Variants in WDR44 observed in about 807,000 individuals in gnomAD.
The protein encoded by WDR44 is WD repeat domain 44.
Under a neutral mutation model 65.7 loss-of-function variants are expected in WDR44, and 9 were observed. That is an observed-to-expected ratio of 0.14 (90% confidence interval 0.08 to 0.24). The LOEUF (loss-of-function observed/expected upper bound fraction) is 0.24. Ranked by LOEUF, WDR44 falls within the 10% of genes least tolerant of loss-of-function variation. The pLI is 1.00. For missense variants in WDR44, 425 were observed against 670.9 expected (o/e 0.63, Z 4.05); for synonymous variants, 220 against 235.2 (o/e 0.94, Z 0.59).
intron 3 of WDR44, among the ~76,000 whole-genome samples, chrX:118,391,298 A>G (rs750294540): frequency 7.1e-5 from 8 of 112,227 alleles, no homozygotes; most frequent in Non-Finnish European, 1.3e-4. Context: ...TGAGGTTCTC[A>G]GTGCTCAGTA....
At chrX:118,443,767 G>A (rs908592900) in intron 18 of WDR44, 80 bp downstream of exon 18, 11 of 1,014,065 alleles carry the variant, frequency 1.1e-5, no homozygotes, top group Admixed American at 2.7e-5. Flanking sequence ...ATTCATGACC[G>A]GACACAGTGG....
intron 1 of WDR44, among the ~76,000 whole-genome samples, chrX:118,360,622 G>A (rs2056502964): frequency 9.0e-6 from 1 of 111,714 alleles, no homozygotes; most frequent in South Asian, 3.7e-4. Flanking sequence ...TTAATGACTG[G>A]CTAAGTCCTT....
chrX:118,419,189 G>C (rs1415198116), intron 12 of WDR44, among the ~76,000 whole-genome samples: 4 of 111,413 alleles, frequency 3.6e-5, no homozygotes, highest in Admixed American at 1.9e-4. Flanking sequence ...TCCCCCTTCT[G>C]GCCAGGAGGC....
At chrX:118,439,267 C>G (rs1338166461) in intron 14 of WDR44, among the ~76,000 whole-genome samples, 3 of 108,472 alleles carry the variant, frequency 2.8e-5, no homozygotes, top group Admixed American at 2.0e-4. Flanking sequence ...AGAAAGGTAG[C>G]AGAGTTAGAA....
intron 19 of WDR44, among the ~76,000 whole-genome samples, chrX:118,447,875 AATAT>A (rs10570740): frequency 0.043 from 2,332 of 54,663 alleles, 61 homozygotes; most frequent in East Asian, 0.15. Context: ...CTCTATCTAA[AATAT>A]ATATATATAT....
intron 12 of WDR44, 24 bp downstream of exon 12, chrX:118,410,983 C>T: frequency 2.7e-6 from 3 of 1,126,203 alleles, no homozygotes; most frequent in Non-Finnish European, 3.6e-6. Context: ...TTTATGGTTA[C>T]TCTGTTTTCA....
intron 1 of WDR44, among the ~76,000 whole-genome samples, chrX:118,358,163 C>T (rs778093414): frequency 8.9e-6 from 1 of 112,122 alleles, no homozygotes; most frequent in East Asian, 2.8e-4. Flanking sequence ...AATGTTTGGC[C>T]TTTAGATTAA....
At chrX:118,384,647 C>T (rs1260252128) in intron 2 of WDR44, among the ~76,000 whole-genome samples, 6 of 111,467 alleles carry the variant, frequency 5.4e-5, no homozygotes. Flanking sequence ...TTAGGATTTG[C>T]CTTGGCTATT....
chrX:118,346,479 C>T lies in WDR44; in HGVS notation c.-25C>T, dbSNP rs923075938. On this transcript the variant is annotated 5_prime_UTR_variant, in exon 1 of 20. Transcript: ENST00000254029. ...CCCTTCCTCCAGGCGGCGCCGGCCC[C>T]CTCACCCGCGGGTGTGTCCTATAAA... 8.3e-7 allele frequency: 1 copy of T among 1,203,904 alleles called. No individual in the cohort carries two copies. The highest frequency in any genetic ancestry group is 1.1e-6 in the Non-Finnish European group (1 of 889,254).
intron 11 of WDR44, among the ~76,000 whole-genome samples, chrX:118,410,233 C>G (rs1178795640): frequency 9.0e-6 from 1 of 111,229 alleles, no homozygotes; most frequent in Non-Finnish European, 1.9e-5. Flanking sequence ...TCCCCGCCAT[C>G]AAGTAAGGCT....
chrX:118,357,720 A>AT (rs1216783911), intron 1 of WDR44, among the ~76,000 whole-genome samples: 12 of 107,317 alleles, frequency 1.1e-4, no homozygotes, highest in East Asian at 8.6e-4. Context: ...TGTCTCTAAC[A>AT]TTTTTTTTTT....
chrX:118,424,331 A>G (rs1218870508), intron 12 of WDR44, among the ~76,000 whole-genome samples: 9 of 86,571 alleles, frequency 1.0e-4, no homozygotes, highest in South Asian at 1.1e-3. Context: ...GTGTATATAT[A>G]TATATATATA....
chrX:118,418,775 A>G (rs1439856907), intron 12 of WDR44, among the ~76,000 whole-genome samples: 1 of 110,892 alleles, frequency 9.0e-6, no homozygotes, highest in Non-Finnish European at 1.9e-5. Context: ...GTCTTCAGCT[A>G]CCAGGGTGGA....
At chrX:118,397,168 T>C in intron 7 of WDR44, 62 bp downstream of exon 7, 2 of 1,013,880 alleles carry the variant, frequency 2.0e-6, no homozygotes, top group Non-Finnish European at 2.6e-6. Flanking sequence ...ATTTCTCTGT[T>C]AATGAACTAT....
At chrX:118,378,492 T>C (rs1185293660) in intron 2 of WDR44, 40 bp downstream of exon 2, 2 of 1,131,240 alleles carry the variant, frequency 1.8e-6, no homozygotes, top group African/African-American at 1.8e-5. Flanking sequence ...TTAGAAATTG[T>C]ATACTTTTTA....
intron 1 of WDR44, among the ~76,000 whole-genome samples, chrX:118,348,376 A>G (rs1224131917): frequency 8.9e-6 from 1 of 112,220 alleles, no homozygotes; most frequent in Non-Finnish European, 1.9e-5. Context: ...TTCTTCCCTC[A>G]TGAGATAATA....
rs2057328251 is a variant in WDR44, at chrX:118,444,379, A to C, written c.2532A>C (p.Thr844=). The change falls in exon 19 of 20, where the codon ACA becomes ACC. Residue 844 remains threonine (T), a synonymous_variant. Coordinates refer to ENST00000254029, the MANE Select transcript of WDR44 (RefSeq NM_019045.5). ...EGIKAHNAVV[T]SAIFAPNPSL... is the part of the protein sequence containing the mutation. The stretch of plus-strand genomic sequence containing the variant: ...CCACAGCCCACAATGCAGTTGTTAC[A>C]TCAGCCATCTTTGCACCAAACCCAA... 8.3e-6 allele frequency: 10 copies of C among 1,208,867 alleles called. No homozygotes were observed. Among genetic ancestry groups the C allele is most frequent in the Non-Finnish European group, 1.1e-5 (10 of 894,670 alleles).
rs978022276 is a variant in WDR44, at chrX:118,419,830, T to C, written c.1737+8871T>C. ...ACATTTATACCATTTAAACTTACTG[T>C]AATTATTGCTACTTTAAACTCAAAT... On this transcript the variant is annotated intron_variant, in intron 12 of 19. Coordinates refer to ENST00000254029, the MANE Select transcript of WDR44 (RefSeq NM_019045.5). Among the ~76,000 whole-genome samples, 3 of 112,167 alleles carry C rather than the reference T, an allele frequency of 2.7e-5. No individual in the cohort carries two copies. The Admixed American group carries it at 2.8e-4, about 11-fold the overall frequency.
chrX:118,392,569 AG>A, intron 3 of WDR44, 62 bp from the exon 4 acceptor site: 3 of 939,447 alleles, frequency 3.2e-6, no homozygotes, highest in Non-Finnish European at 4.4e-6. Flanking sequence ...GTAAATGATT[AG>A]CTGTTACTGT....
Sources: allele counts gnomAD v4.1 joint callset (sites outside exome capture counted in the v4.1 genomes callset), GRCh38; gene constraint gnomAD v4.1.1; transcripts MANE v1.5; gene names NCBI Gene and HGNC (gene_info 2026-07-23, HGNC 2026-07-21).